PDXDC1: variants seen among roughly 807,000 people sequenced by gnomAD.
The protein encoded by PDXDC1 is pyridoxal dependent decarboxylase domain containing 1.
PDXDC1 carries 42 observed loss-of-function variants against 100.1 expected under a neutral mutation model. That is an observed-to-expected ratio of 0.42 (90% CI 0.33 to 0.54). The LOEUF (loss-of-function observed/expected upper bound fraction) is 0.54, where lower values mean the gene tolerates loss of function less well. Ranked by LOEUF, PDXDC1 falls within the 20% of genes least tolerant of loss-of-function variation. The probability of loss-of-function intolerance (pLI) is 0.10; values close to 1 mark genes in which losing one functional copy is unlikely to be tolerated. For synonymous variants in PDXDC1, 260 were observed against 371.7 expected, an observed-to-expected ratio of 0.70 and a Z score of 3.46; for missense variants, 636 against 979.2, an observed-to-expected ratio of 0.65 and a Z score of 4.68.
intron 13 of PDXDC1, among the ~76,000 whole-genome samples, chr16:15,023,821 G>A (rs1239953210): frequency 6.6e-6 from 1 of 152,296 alleles, no homozygotes; most frequent in Admixed American, 6.5e-5. Context: ...TAAGTTCAGA[G>A]GCCTGGGCTC....
intron 16 of PDXDC1, among the ~76,000 whole-genome samples, chr16:15,078,822 T>C (rs2045573055): frequency 1.3e-5 from 2 of 150,550 alleles, no homozygotes; most frequent in South Asian, 4.2e-4. Context: ...CTTTTTTTTT[T>C]TTTTTTTGAG....
chr16:15,144,267 G>A (rs1325532825), downstream of PDXDC1, among the ~76,000 whole-genome samples: 1 of 152,238 alleles, frequency 6.6e-6, no homozygotes, highest in African/African-American at 2.4e-5. Context: ...GCCGAGCCAT[G>A]ACCTCTTCTG....
At chr16:15,057,080 TAC>T (rs1225434410) in intron 16 of PDXDC1, among the ~76,000 whole-genome samples, 14 of 152,154 alleles carry the variant, frequency 9.2e-5, no homozygotes, top group Admixed American at 3.3e-4. Context: ...TTACAAAAGA[TAC>T]AGAGGAGCCA....
downstream of PDXDC1, among the ~76,000 whole-genome samples, chr16:15,042,626 C>T (rs778230614): frequency 1.1e-4 from 16 of 152,136 alleles, no homozygotes; most frequent in African/African-American, 7.2e-5. Context: ...AATGTTCTAC[C>T]GCTCATCTTC....
At chr16:15,096,180 C>T (rs982082919) in intron 16 of PDXDC1, among the ~76,000 whole-genome samples, 14 of 152,042 alleles carry the variant, frequency 9.2e-5, no homozygotes, top group African/African-American at 2.9e-4. Flanking sequence ...ATGATCTTGG[C>T]TCACTGCATC....
intron 16 of PDXDC1, among the ~76,000 whole-genome samples, chr16:15,101,762 A>C (rs1353909798): frequency 1.4e-5 from 2 of 147,474 alleles, no homozygotes; most frequent in African/African-American, 5.0e-5. Flanking sequence ...GCAGCCTCAA[A>C]CTCCTGGGCT....
chr16:15,075,309 C>T (rs1002461832), intron 16 of PDXDC1, among the ~76,000 whole-genome samples: 20 of 150,660 alleles, frequency 1.3e-4, no homozygotes, highest in African/African-American at 4.1e-4. Context: ...CAGTGGCTCA[C>T]GCCTATAATT....
intron 3 of PDXDC1, among the ~76,000 whole-genome samples, chr16:15,001,497 TAAATA>T (rs1236183881): frequency 6.6e-6 from 1 of 152,370 alleles, no homozygotes; most frequent in South Asian, 2.1e-4. Context: ...TCAAAATAAA[TAAATA>T]AAAATAAAAA....
chr16:15,044,722 A>G (rs2043975249), intron 16 of PDXDC1: 1 of 366,784 alleles, frequency 2.7e-6, no homozygotes, highest in Non-Finnish European at 5.0e-6. Context: ...AGTGGCTCAC[A>G]TCTGTAATCC....
the PDXDC1 span, among the ~76,000 whole-genome samples, chr16:15,152,109 G>A: frequency 6.9e-6 from 1 of 145,952 alleles, no homozygotes; most frequent in East Asian, 2.0e-4. Context: ...TTTTCCAAAA[G>A]CCACCACCTC....
At chr16:15,064,157 T>A (rs117733745) in intron 16 of PDXDC1, among the ~76,000 whole-genome samples, 2,767 of 152,128 alleles carry the variant, frequency 0.018, 42 homozygotes, top group Non-Finnish European at 0.024. Flanking sequence ...CTCATCTAGA[T>A]AAATCGCTTT....
rs2043177114 is a variant in PDXDC1, at chr16:15,033,270, C to G, written c.1691-8C>G. On this transcript the variant is annotated splice_region_variant and splice_polypyrimidine_tract_variant and intron_variant, in intron 18 of 22. Coordinates refer to ENST00000396410, the MANE Select transcript of PDXDC1 (RefSeq NM_015027.4). The stretch of plus-strand genomic sequence containing the variant: ...GAGAAACTCAAGTTTGTCTCGTTAC[C>G]TTTGCAGGCCCTGAGTATAAGAGCA... The G allele has an allele frequency of 1.2e-6, 2 of 1,614,094 alleles. No individual in the cohort carries two copies. Among genetic ancestry groups the G allele is most frequent in the Non-Finnish European group, 1.7e-6 (2 of 1,179,952 alleles).
chr16:15,052,961 G>C (rs1640691974), intron 16 of PDXDC1, among the ~76,000 whole-genome samples: 1 of 152,168 alleles, frequency 6.6e-6, no homozygotes, highest in Admixed American at 6.5e-5. Context: ...GGTTAAGAGT[G>C]ACTAAGGGAG....
rs2043501991 is a variant in PDXDC1, at chr16:15,037,145, A to T, written c.*870A>T. 6.6e-6 allele frequency: 1 copy of T among 152,248 alleles called. No individual in the cohort carries two copies. Among genetic ancestry groups the T allele is most frequent in the South Asian group, 2.1e-4 (1 of 4,832 alleles). The allele number at this position is 152,248 out of a possible 1,614,324, so 9.4% of individuals were successfully genotyped here. A position where few individuals can be genotyped will look rare whatever the true frequency, so the allele number is the denominator to read the frequency against. On this transcript the variant is annotated 3_prime_UTR_variant, in exon 23 of 23. Coordinates refer to ENST00000396410, the MANE Select transcript of PDXDC1 (RefSeq NM_015027.4). The stretch of plus-strand genomic sequence containing the variant: ...TGACCTGTCTCCCACTGAAGCTTCT[A>T]CTGCCCTGGCAGCTCGCCTGGGCCC...
intron 16 of PDXDC1, chr16:15,063,117 A>T: frequency 9.0e-7 from 1 of 1,105,826 alleles, no homozygotes; most frequent in Non-Finnish European, 1.4e-6. Context: ...CGCACGAACG[A>T]CTTGCCACTT....
chr16:15,127,863 C>A, intron 16 of PDXDC1: 1 of 1,564,706 alleles, frequency 6.4e-7, no homozygotes, highest in Non-Finnish European at 8.6e-7. Context: ...GCTCAGCCAC[C>A]AGCAGGCGCC....
At position 15,036,544 on chromosome 16, in the gene PDXDC1, G is replaced by A. The variant is rs1040104881; in HGVS notation, c.*269G>A. The A allele has an allele frequency of 5.3e-5, 26 of 492,820 alleles. No individual in the cohort carries two copies. Among genetic ancestry groups the A allele is most frequent in the African/African-American group, 2.9e-4 (15 of 52,216 alleles). The allele number at this position is 492,820 out of a possible 1,614,324, so 30.5% of individuals were successfully genotyped here. A position where few individuals can be genotyped will look rare whatever the true frequency, so the allele number is the denominator to read the frequency against. ...ACATTTTATTCACAAAAAACACTTC[G>A]AATTTCAAGTGTCTACCAGTAGCAC... On this transcript the variant is annotated 3_prime_UTR_variant, in exon 23 of 23. Transcript: ENST00000396410.
At chr16:15,081,613 C>A (rs1453989418) in intron 16 of PDXDC1, among the ~76,000 whole-genome samples, 2 of 152,004 alleles carry the variant, frequency 1.3e-5, no homozygotes, top group Admixed American at 6.6e-5. Context: ...ATATTTCCTC[C>A]CATTATTTGG....
At chr16:14,992,426 G>C (rs1971054698) in intron 1 of PDXDC1, among the ~76,000 whole-genome samples, 1 of 152,262 alleles carries the variant, frequency 6.6e-6, no homozygotes, top group Non-Finnish European at 1.5e-5. Context: ...TAGGTGGTAG[G>C]GGACACACGG....
Sources: allele counts gnomAD v4.1 joint callset (sites outside exome capture counted in the v4.1 genomes callset), GRCh38; gene constraint gnomAD v4.1.1; transcripts MANE v1.5; gene names NCBI Gene and HGNC (gene_info 2026-07-23, HGNC 2026-07-21).